Variants in EML6 observed in about 807,000 individuals in gnomAD.
EML6 encodes echinoderm microtubule-associated protein-like 6.
In EML6, 154 loss-of-function variants were observed where a neutral mutation model predicts 240.1. The ratio of observed to expected loss-of-function variants is 0.64; its 90% CI spans 0.56 to 0.73. The LOEUF is 0.73. Ranked by LOEUF, EML6 falls within the 30% of genes least tolerant of loss-of-function variation. The pLI is 0.00. For synonymous variants in EML6, 1,148 were observed against 899.0 expected (o/e 1.28, Z -4.95); for missense variants, 2,964 against 2,474.6 (o/e 1.20, Z -4.20).
At chr2:54,925,924 T>C (rs1674519053) in intron 26 of EML6, among the ~76,000 whole-genome samples, 1 of 152,170 alleles carries the variant, frequency 6.6e-6, no homozygotes, top group African/African-American at 2.4e-5. Context: ...AGTCCTTAAG[T>C]TTCCTCCTCA....
At chr2:54,782,492 T>G (rs1668895253) in intron 2 of EML6, among the ~76,000 whole-genome samples, 1 of 152,202 alleles carries the variant, frequency 6.6e-6, no homozygotes. Context: ...GGCCTTGCTT[T>G]TACTTCTTAG....
At chr2:54,922,258 A>G (rs974774062) in intron 26 of EML6, among the ~76,000 whole-genome samples, 3 of 152,228 alleles carry the variant, frequency 2.0e-5, no homozygotes, top group African/African-American at 7.2e-5. Context: ...TTGAATAGAC[A>G]TTTCTCCAAA....
At chr2:54,734,470 T>C (rs1683307217) in intron 2 of EML6, among the ~76,000 whole-genome samples, 1 of 152,190 alleles carries the variant, frequency 6.6e-6, no homozygotes, top group African/African-American at 2.4e-5. Context: ...GGGCATTAAG[T>C]GTTTGCCCAC....
At chr2:54,932,474 C>T (rs1573170883) in intron 28 of EML6, among the ~76,000 whole-genome samples, 1 of 152,328 alleles carries the variant, frequency 6.6e-6, no homozygotes, top group East Asian at 1.9e-4. Flanking sequence ...GGAACCCTTC[C>T]AAACCTTCCC....
In EML6 at chr2:54,724,981, TG is replaced by T; in HGVS notation, c.-80del. ...CGCCCTGCGCCGCGCGCTGAGCCCC[TG>T]CAGGTCCGCCGCAGCCCCAGCCTCG... On this transcript the variant is annotated 5_prime_UTR_variant, in exon 2 of 42. Transcript: ENST00000356458. This position sits in a 1 kb window ranked among gnomAD's most constrained non-coding sequence, Gnocchi z 5.2. 8.2e-7 allele frequency: 1 copy of T among 1,226,788 alleles called. No homozygotes were observed. The highest frequency in any genetic ancestry group is 3.4e-5 in the East Asian group (1 of 29,030). 76.0% of individuals were successfully genotyped at this position (1,226,788 alleles called of 1,614,324 possible).
At chr2:54,740,292 A>G (rs1400616111) in intron 2 of EML6, among the ~76,000 whole-genome samples, 1 of 152,100 alleles carries the variant, frequency 6.6e-6, no homozygotes, top group Non-Finnish European at 1.5e-5. Flanking sequence ...CCAGCAGATA[A>G]AGGGGTACTT....
chr2:54,903,566 G>T, intron 24 of EML6, 64 bp downstream of exon 24: 5 of 1,238,686 alleles, frequency 4.0e-6, no homozygotes, highest in South Asian at 1.4e-5. Context: ...TTTATGCATT[G>T]TTTCTAGAGA....
chr2:54,814,057 A>C (rs907179626), intron 3 of EML6, among the ~76,000 whole-genome samples: 2 of 152,230 alleles, frequency 1.3e-5, no homozygotes, highest in Non-Finnish European at 2.9e-5. Context: ...ATCAACTGAA[A>C]ACGGTGTGAA....
In EML6 at chr2:54,908,559, C is replaced by T. The variant is rs528869402; in HGVS notation, c.3410-2395C>T. 2.0e-3 allele frequency among the ~76,000 whole-genome samples: 301 copies of T among 152,138 alleles called. 1 individual carries two copies. Among genetic ancestry groups the T allele is most frequent in the Non-Finnish European group, 3.6e-3 (244 of 68,024 alleles). On this transcript the variant is annotated intron_variant, in intron 24 of 41. Transcript: ENST00000356458. ...CTGAGTTTAGCAATGAACTAGAAAA[C>T]GCACAGGAACCAAGCAAGCAGTTCC...
At chr2:54,927,556 T>G (rs569469919) in intron 26 of EML6, among the ~76,000 whole-genome samples, 114 of 152,324 alleles carry the variant, frequency 7.5e-4, no homozygotes, top group African/African-American at 2.6e-3. Context: ...CTGTGGCTCA[T>G]GAGCTGAATA....
At chr2:54,922,933 C>CTTTTTT (rs36078208) in intron 26 of EML6, among the ~76,000 whole-genome samples, 2 of 73,848 alleles carry the variant, frequency 2.7e-5, no homozygotes, top group Non-Finnish European at 4.9e-5. Flanking sequence ...AGGGTATAAA[C>CTTTTTT]TTTTTTTTTT....
chr2:54,846,220 A>G (rs1669744038), intron 8 of EML6, among the ~76,000 whole-genome samples: 1 of 152,130 alleles, frequency 6.6e-6, no homozygotes, highest in Non-Finnish European at 1.5e-5. Context: ...GGAGCAACAG[A>G]GGGGGATATC....
intron 2 of EML6, among the ~76,000 whole-genome samples, chr2:54,785,170 C>CTCT (rs1669024840): frequency 1.9e-5 from 2 of 102,644 alleles, no homozygotes; most frequent in African/African-American, 7.5e-5. Flanking sequence ...CACACACACA[C>CTCT]TTTTTTTTTT....
At chr2:54,931,252 C>T (rs1313323140) in intron 28 of EML6, among the ~76,000 whole-genome samples, 11 of 151,796 alleles carry the variant, frequency 7.2e-5, no homozygotes, top group African/African-American at 2.2e-4. Context: ...CCACCGCGCC[C>T]GGCGACCGTA....
At chr2:54,799,273 C>G (rs956394721) in intron 2 of EML6, among the ~76,000 whole-genome samples, 1 of 151,228 alleles carries the variant, frequency 6.6e-6, no homozygotes, top group Non-Finnish European at 1.5e-5. Context: ...GTTGGCCAGG[C>G]TGGTCTCAAA....
chr2:54,849,893 A>G lies in EML6; in HGVS notation c.1188-69A>G, dbSNP rs1669979201. 9 of 1,294,034 alleles carry G rather than the reference A, an allele frequency of 7.0e-6. No homozygotes were observed. In the Admixed American group the frequency reaches 1.8e-4, roughly 25 times the overall value. The allele number at this position is 1,294,034 out of a possible 1,614,324, so 80.2% of individuals were successfully genotyped here. ...TTCAACACACTTCTTTTTCTGACACATATATTTTAAAACTTGGATTTTCTA... is the reference window on the plus strand; with the variant it reads ...TTCAACACACTTCTTTTTCTGACACGTATATTTTAAAACTTGGATTTTCTA... On this transcript the variant is annotated intron_variant, in intron 9 of 41. Coordinates refer to ENST00000356458, the MANE Select transcript of EML6 (RefSeq NM_001039753.4).
chr2:54,810,316 G>A (rs1461873337), intron 2 of EML6, among the ~76,000 whole-genome samples: 2 of 152,312 alleles, frequency 1.3e-5, no homozygotes, highest in South Asian at 2.1e-4. Flanking sequence ...AATCCAAAAT[G>A]TGAGGTGTTT....
chr2:54,822,429 C>T (rs770671250), intron 5 of EML6, among the ~76,000 whole-genome samples: 1 of 152,158 alleles, frequency 6.6e-6, no homozygotes, highest in Non-Finnish European at 1.5e-5. Context: ...CAAGAGCTGA[C>T]TCATTGCTGA....
intron 21 of EML6, among the ~76,000 whole-genome samples, chr2:54,896,829 A>G (rs1672796488): frequency 6.6e-6 from 1 of 152,154 alleles, no homozygotes; most frequent in Non-Finnish European, 1.5e-5. Context: ...CAAGGCTTTA[A>G]AAACACAGGT....
Sources: allele counts gnomAD v4.1 joint callset (sites outside exome capture counted in the v4.1 genomes callset), GRCh38; gene constraint gnomAD v4.1.1; non-coding constraint Gnocchi (gnomAD v3.1); transcripts MANE v1.5; gene names NCBI Gene and HGNC (gene_info 2026-07-23, HGNC 2026-07-21).